The following SYNE2 variants were observed in gnomAD, a reference collection of about 807,000 sequenced individuals.
The protein encoded by SYNE2 is nesprin-2.
SYNE2 carries 431 observed loss-of-function variants against 856.3 expected under a neutral mutation model. The ratio of observed to expected loss-of-function variants is 0.50; its 90% CI spans 0.47 to 0.55. The LOEUF is 0.55. SYNE2 is among the 20% of genes least tolerant of loss of function. The pLI, the probability that SYNE2 is intolerant of heterozygous loss-of-function variation, is 0.00. For missense variants in SYNE2, 8,129 were observed against 8,023.2 expected, an observed-to-expected ratio of 1.01 and a Z score of -0.50; for synonymous variants, 2,923 against 2,872.3, an observed-to-expected ratio of 1.02 and a Z score of -0.56.
intron 78 of SYNE2, among the ~76,000 whole-genome samples, chr14:64,134,416 T>C (rs2098061823): frequency 2.0e-5 from 3 of 152,106 alleles, no homozygotes; most frequent in Admixed American, 6.5e-5. Context: ...CTTGCTTGAG[T>C]CGTGGCTCCA....
intron 1 of SYNE2, among the ~76,000 whole-genome samples, chr14:63,765,266 T>C (rs1886628410): frequency 6.6e-6 from 1 of 152,216 alleles, no homozygotes; most frequent in African/African-American, 2.4e-5. Flanking sequence ...TGAAAACAAG[T>C]AGCTAGAGAA....
intron 1 of SYNE2, among the ~76,000 whole-genome samples, chr14:63,803,624 C>G (rs955121116): frequency 6.6e-6 from 1 of 152,200 alleles, no homozygotes; most frequent in Non-Finnish European, 1.5e-5. Flanking sequence ...CACGCAGCCC[C>G]GGTTCCTGCT....
At chr14:63,962,103 C>T (rs930886008) in intron 9 of SYNE2, among the ~76,000 whole-genome samples, 1 of 151,442 alleles carries the variant, frequency 6.6e-6, no homozygotes, top group Non-Finnish European at 1.5e-5. Context: ...GTCGCCCAGG[C>T]TGTAGTGCAG....
chr14:63,939,825 T>G (rs1167652751), intron 2 of SYNE2, among the ~76,000 whole-genome samples: 2 of 152,232 alleles, frequency 1.3e-5, no homozygotes, highest in Non-Finnish European at 2.9e-5. Context: ...GAAACAGGAT[T>G]TGAACACAGT....
intron 2 of SYNE2, among the ~76,000 whole-genome samples, chr14:63,939,052 C>T (rs1170521677): frequency 6.6e-6 from 1 of 152,126 alleles, no homozygotes; most frequent in East Asian, 1.9e-4. Flanking sequence ...GCCTGGTGAA[C>T]TGGAGGTTGA....
chr14:64,098,337 C>G (rs1439061593), intron 62 of SYNE2, 191 bp downstream of exon 62: 1 of 681,566 alleles, frequency 1.5e-6, no homozygotes, highest in East Asian at 2.7e-5. Context: ...GTTCTGGACT[C>G]CACCCAGAAT....
chr14:63,913,254 G>A (rs1439190788), intron 2 of SYNE2, among the ~76,000 whole-genome samples: 3 of 152,008 alleles, frequency 2.0e-5, no homozygotes, highest in African/African-American at 7.3e-5. Context: ...CCCTTTATGG[G>A]TAGATATTTA....
chr14:64,162,331 T>TAAGG, intron 88 of SYNE2, 55 bp downstream of exon 88: 1 of 1,566,530 alleles, frequency 6.4e-7, no homozygotes, highest in Admixed American at 1.7e-5. Flanking sequence ...ACAGATGGGG[T>TAAGG]AAGGGACAGC....
chr14:63,927,887 A>C (rs1192386385), intron 2 of SYNE2, among the ~76,000 whole-genome samples: 3 of 151,628 alleles, frequency 2.0e-5, no homozygotes, highest in Non-Finnish European at 2.9e-5. Flanking sequence ...GCGAGACTCC[A>C]TCTGAAAAAA....
rs1886868837 is a variant in SYNE2, at chr14:63,770,743, T to A, written c.-305+8757T>A. Among the ~76,000 whole-genome samples, 3 of 152,106 alleles carry A rather than the reference T, an allele frequency of 2.0e-5. No homozygotes were observed. The South Asian group carries it at 6.2e-4, about 32-fold the overall frequency. ...AGATTGAGCCTGCAGTGAGCTGTGA[T>A]TGTGCCACTGCACTCCAGCCTGGGT... On this transcript the variant is annotated intron_variant, in intron 1 of 23. Coordinates refer to the SYNE2 transcript ENST00000674003.
intron 82 of SYNE2, among the ~76,000 whole-genome samples, chr14:64,143,143 C>T (rs1309677909): frequency 6.6e-6 from 1 of 152,184 alleles, no homozygotes; most frequent in Non-Finnish European, 1.5e-5. Flanking sequence ...TAGCACATAC[C>T]ACATGACTGT....
At chr14:63,772,122 A>G (rs1006085376) in intron 1 of SYNE2, among the ~76,000 whole-genome samples, 1 of 151,598 alleles carries the variant, frequency 6.6e-6, no homozygotes, top group Admixed American at 6.6e-5. Context: ...GGAGGCCAAG[A>G]TGCATGCATC....
chr14:63,982,534 A>G (rs866268881), intron 16 of SYNE2, 96 bp from the exon 17 acceptor site: 99 of 1,074,360 alleles, frequency 9.2e-5, no homozygotes, highest in Middle Eastern at 7.6e-4. Context: ...AAAAAAAAAA[A>G]AAAGAAAAGA....
At chr14:64,089,063 T>C (rs1331363217) in intron 58 of SYNE2, among the ~76,000 whole-genome samples, 1 of 152,092 alleles carries the variant, frequency 6.6e-6, no homozygotes, top group East Asian at 1.9e-4. Context: ...TTCATTTTCT[T>C]ATAAAGTTTT....
Position 64,002,953 on chromosome 14 carries a change from GC to G in SYNE2, c.4023del (p.Val1342LeufsTer17). The G allele has an allele frequency of 6.2e-7, 1 of 1,614,182 alleles. No homozygotes were observed. The highest frequency in any genetic ancestry group is 8.5e-7 in the Non-Finnish European group (1 of 1,180,038). ...TCAGAACAGCTAAACTCTCTGCTGAGCCCGTTACAGACCTTTCAGCCTCAGA... is the reference window on the plus strand; with the variant it reads ...TCAGAACAGCTAAACTCTCTGCTGAGCCGTTACAGACCTTTCAGCCTCAGA... Reference protein sequence around the residue: ...SLRTAKLSAEPVTDLSASDTQ... With the variant: ...SLRTAKLSAEXVTDLSASDTQ... On this transcript the variant is annotated frameshift_variant, in exon 30 of 116. Transcript: ENST00000555002. LOFTEE classifies it high-confidence loss of function.
At position 64,097,988 on chromosome 14, in the gene SYNE2, A is replaced by G. The variant is rs2097691172; in HGVS notation, c.12148A>G (p.Asn4050Asp). The G allele has an allele frequency of 6.2e-7, 1 of 1,614,232 alleles. No individual in the cohort carries two copies. The highest frequency in any genetic ancestry group is 8.5e-7 in the Non-Finnish European group (1 of 1,180,040). The change falls in exon 62 of 116, where the codon AAC (asparagine) becomes GAC (aspartate). Residue 4050 changes from asparagine (N) to aspartate (D), a missense_variant. Coordinates refer to ENST00000555002, the MANE Select transcript of SYNE2 (RefSeq NM_182914.3). ...TATGGAGAAACAGATTCTGAGTTTG[A>G]ACCAGAGAAAAGAAGACCTGTTGGT... is the stretch of plus-strand genomic sequence containing the variant. ...ERMEKQILSL[N>D]QRKEDLLVDL...
intron 1 of SYNE2, among the ~76,000 whole-genome samples, chr14:63,831,871 T>G (rs2139898175): frequency 6.6e-6 from 1 of 152,226 alleles, no homozygotes; most frequent in South Asian, 2.1e-4. Flanking sequence ...CTTCTAAGAA[T>G]CTTAATGATT....
chr14:64,150,551 G>GGTGT (rs4027399), intron 84 of SYNE2, among the ~76,000 whole-genome samples: 10 of 150,178 alleles, frequency 6.7e-5, no homozygotes, highest in Admixed American at 4.0e-4. Context: ...ATTTTTGAAG[G>GGTGT]GTGTGTGTGT....
At chr14:63,814,574 A>G (rs1321214784) in intron 1 of SYNE2, among the ~76,000 whole-genome samples, 2 of 138,728 alleles carry the variant, frequency 1.4e-5, no homozygotes, top group Non-Finnish European at 3.0e-5. Flanking sequence ...ATATCCTTAT[A>G]TGTATCCATA....
Sources: gnomAD v4.1 joint callset for allele counts (sites outside exome capture counted in the v4.1 genomes callset) on GRCh38, gnomAD v4.1.1 for gene constraint, MANE v1.5 for transcripts, NCBI Gene and HGNC (gene_info 2026-07-23, HGNC 2026-07-21) for gene names.